The following APLF variants were observed in gnomAD, a reference collection of about 807,000 sequenced individuals.
APLF encodes the protein aprataxin and PNKP like factor.
Under a neutral mutation model 55.6 loss-of-function variants are expected in APLF, and 61 were observed. The observed-to-expected ratio is 1.10, with a 90% CI of 0.89 to 1.36. The LOEUF (loss-of-function observed/expected upper bound fraction) is 1.36, where lower values mean the gene tolerates loss of function less well. Ranked by LOEUF, APLF falls within the 40% of genes most tolerant of loss-of-function variation. The pLI is 0.00. For missense variants in APLF, 611 were observed against 602.5 expected (o/e 1.01, Z -0.15); for synonymous variants, 207 against 214.8 (o/e 0.96, Z 0.32).
intron 1 of APLF, among the ~76,000 whole-genome samples, chr2:68,473,011 A>G (rs967378682): frequency 1.3e-5 from 2 of 152,124 alleles, no homozygotes; most frequent in Non-Finnish European, 2.9e-5. Context: ...ATGAATCCAC[A>G]TTGACATGTC....
At chr2:68,576,926 A>G (rs1378478118) in intron 9 of APLF, among the ~76,000 whole-genome samples, 1 of 152,170 alleles carries the variant, frequency 6.6e-6, no homozygotes, top group Non-Finnish European at 1.5e-5. Flanking sequence ...AATGTTCCAC[A>G]CTGTCCTAGA....
In APLF at chr2:68,502,825, G is replaced by T. The variant is rs1676763531; in HGVS notation, c.263G>T (p.Ser88Ile). ...TGGTGCTATTTGAATCCTGGAGACA[G>T]CTTTTCTTTGTTAGTTGACAAATAC... ...NLWCYLNPGD[S>I]FSLLVDKYIF... Residue 88 changes from serine to isoleucine, a missense_variant, in exon 3 of 10, where the codon AGC (serine) becomes ATC (isoleucine). Ser to Ile is a moderately radical substitution (Grantham distance 142). Transcript: ENST00000303795. The T allele has an allele frequency of 1.2e-6, 2 of 1,607,280 alleles. No homozygotes were observed. The highest frequency in any genetic ancestry group is 1.7e-6 in the Non-Finnish European group (2 of 1,177,778).
At chr2:68,467,964 C>T in intron 1 of APLF, 137 bp downstream of exon 1, 4 of 555,168 alleles carry the variant, frequency 7.2e-6, no homozygotes, top group Non-Finnish European at 1.1e-5. Context: ...TGGGGCCGCA[C>T]GTTTTTCAGT....
chr2:68,513,536 G>A lies in APLF; in HGVS notation c.490-12G>A, dbSNP rs1331572249. Reference sequence around the variant, plus strand: ...TGTGATTATTTTTAGTAATTTATAGGTGTCTTTTTAGTCTTTCCTAGGTGA... The same window carrying A: ...TGTGATTATTTTTAGTAATTTATAGATGTCTTTTTAGTCTTTCCTAGGTGA... On this transcript the variant is annotated splice_polypyrimidine_tract_variant and intron_variant, in intron 4 of 9. Coordinates refer to ENST00000303795, the MANE Select transcript of APLF (RefSeq NM_173545.3). The A allele has an allele frequency of 6.2e-7, 1 of 1,607,948 alleles. No individual in the cohort carries two copies. Among genetic ancestry groups the A allele is most frequent in the Admixed American group, 1.7e-5 (1 of 58,800 alleles).
intron 6 of APLF, among the ~76,000 whole-genome samples, chr2:68,531,993 C>A (rs935842502): frequency 2.0e-5 from 3 of 152,116 alleles, no homozygotes; most frequent in African/African-American, 7.2e-5. Context: ...TCTTCTAGCA[C>A]AGGAAAAATA....
At chr2:68,532,670 A>G (rs1038004164) in intron 6 of APLF, among the ~76,000 whole-genome samples, 4 of 152,210 alleles carry the variant, frequency 2.6e-5, no homozygotes, top group African/African-American at 9.6e-5. Flanking sequence ...GAAATAGTCT[A>G]TATTTTTCAT....
chr2:68,494,928 T>C (rs1176444268), intron 2 of APLF, among the ~76,000 whole-genome samples: 1 of 152,142 alleles, frequency 6.6e-6, no homozygotes. Context: ...GTTGACTCCA[T>C]GTCTTTGCTA....
At chr2:68,517,261 AATAT>A (rs1426279300) in intron 5 of APLF, among the ~76,000 whole-genome samples, 1 of 107,806 alleles carries the variant, frequency 9.3e-6, no homozygotes, top group Non-Finnish European at 1.8e-5. Context: ...ATAATATATT[AATAT>A]ATGTCATTAC....
intron 6 of APLF, among the ~76,000 whole-genome samples, chr2:68,537,388 A>G (rs1428097587): frequency 1.4e-5 from 2 of 146,822 alleles, no homozygotes; most frequent in Non-Finnish European, 3.0e-5. Flanking sequence ...TTTCTTTGAG[A>G]TGGAGTCTTG....
At chr2:68,551,648 C>G (rs1289399177) in intron 8 of APLF, among the ~76,000 whole-genome samples, 1 of 128,082 alleles carries the variant, frequency 7.8e-6, no homozygotes, top group Non-Finnish European at 1.7e-5. Context: ...GTGGAACTAT[C>G]CATTTTTAAT....
Position 68,467,731 on chromosome 2 carries a change from C to T in APLF, c.-1C>T. 8.1e-7 allele frequency: 1 copy of T among 1,234,920 alleles called. No homozygotes were observed. Among genetic ancestry groups the T allele is most frequent in the Non-Finnish European group, 1.0e-6 (1 of 987,954 alleles). The allele number at this position is 1,234,920 out of a possible 1,614,324, so 76.5% of individuals were successfully genotyped here. A position where few individuals can be genotyped will look rare whatever the true frequency, so the allele number is the denominator to read the frequency against. ...GCGAAGGGGCCTAATCCTTGCCCGC[C>T]ATGTCCGGGGGCTTCGAGCTGCAGC... On this transcript the variant is annotated 5_prime_UTR_variant, in exon 1 of 10. Coordinates refer to ENST00000303795, the MANE Select transcript of APLF (RefSeq NM_173545.3).
At chr2:68,536,398 G>A (rs143837676) in intron 6 of APLF, among the ~76,000 whole-genome samples, 15 of 152,126 alleles carry the variant, frequency 9.9e-5, no homozygotes, top group Non-Finnish European at 1.8e-4. Context: ...TTGAATATTA[G>A]GTCATGTAAA....
At chr2:68,511,910 T>C (rs1669384116) in intron 3 of APLF, among the ~76,000 whole-genome samples, 2 of 151,720 alleles carry the variant, frequency 1.3e-5, no homozygotes, top group Non-Finnish European at 1.5e-5. Flanking sequence ...GCCATTGACA[T>C]TGAAGGCTGC....
At chr2:68,530,457 T>G (rs1670223584) in intron 6 of APLF, among the ~76,000 whole-genome samples, 1 of 152,086 alleles carries the variant, frequency 6.6e-6, no homozygotes, top group Non-Finnish European at 1.5e-5. Context: ...AGATGTTCTT[T>G]CTCGTCTGAT....
At chr2:68,544,130 C>T (rs771228294) in intron 7 of APLF, among the ~76,000 whole-genome samples, 5 of 151,736 alleles carry the variant, frequency 3.3e-5, no homozygotes, top group South Asian at 2.1e-4. Flanking sequence ...TGCAGATGTG[C>T]GCCACCAAGC....
intron 8 of APLF, among the ~76,000 whole-genome samples, chr2:68,561,096 C>A (rs1275674771): frequency 6.6e-6 from 1 of 151,994 alleles, no homozygotes; most frequent in African/African-American, 2.4e-5. Flanking sequence ...GTGACTTTTA[C>A]CAGCACATAG....
intron 9 of APLF, chr2:68,568,435 C>A: frequency 2.3e-6 from 1 of 437,446 alleles, no homozygotes; most frequent in Non-Finnish European, 3.0e-6. Flanking sequence ...CTTTAGTACT[C>A]CAGACATAAA....
chr2:68,567,296 T>C, intron 8 of APLF, 45 bp from the exon 9 acceptor site: 1 of 1,536,564 alleles, frequency 6.5e-7, no homozygotes, highest in Non-Finnish European at 9.0e-7. Context: ...TCATCAACTT[T>C]TAGTAATTGG....
chr2:68,538,670 A>T (rs1670469978), intron 7 of APLF, among the ~76,000 whole-genome samples: 1 of 133,116 alleles, frequency 7.5e-6, no homozygotes, highest in Admixed American at 7.3e-5. Context: ...CTGTAAAACA[A>T]CTGAATATAA....
Sources: allele counts gnomAD v4.1 joint callset (sites outside exome capture counted in the v4.1 genomes callset), GRCh38; gene constraint gnomAD v4.1.1; transcripts MANE v1.5; gene names NCBI Gene and HGNC (gene_info 2026-07-23, HGNC 2026-07-21).